The following HRH2 variants were observed in gnomAD, a reference collection of about 807,000 sequenced individuals.
The protein encoded by HRH2 is histamine H2 receptor.
A neutral mutation model predicts 20.1 loss-of-function variants in HRH2; 4 were observed. The ratio of observed to expected loss-of-function variants is 0.20; its 90% CI spans 0.10 to 0.45. The LOEUF is 0.45. Among genes scored for constraint, HRH2 ranks in the 20% least tolerant of loss-of-function variants. The pLI is 0.99. For synonymous variants in HRH2, 197 were observed against 200.7 expected (o/e 0.98, Z 0.16); for missense variants, 250 against 461.6 (o/e 0.54, Z 4.20).
intron 2 of HRH2, among the ~76,000 whole-genome samples, chr5:175,697,955 G>A (rs549733216): frequency 2.4e-4 from 36 of 152,274 alleles, no homozygotes; most frequent in African/African-American, 7.7e-4. Context: ...GCTCCATGGA[G>A]CCTCTTGTGA....
chr5:175,664,300 A>C (rs907870331), intron 1 of HRH2, among the ~76,000 whole-genome samples: 2 of 152,282 alleles, frequency 1.3e-5, no homozygotes, highest in African/African-American at 2.4e-5. Flanking sequence ...TCAGTCACTC[A>C]CCAAATGCTT....
chr5:175,707,301 G>A (rs973725978), intron 2 of HRH2, among the ~76,000 whole-genome samples: 3 of 152,120 alleles, frequency 2.0e-5, no homozygotes, highest in South Asian at 2.1e-4. Flanking sequence ...ATAGTGGCAC[G>A]CACCTATAGT....
chr5:175,694,282 T>G (rs1057195581), intron 2 of HRH2, among the ~76,000 whole-genome samples: 4 of 152,156 alleles, frequency 2.6e-5, no homozygotes, highest in African/African-American at 9.7e-5. Context: ...GTAAACATGG[T>G]GGCTTTGGAA....
At position 175,686,788 on chromosome 5, in the gene HRH2, C is replaced by G. The variant is rs942594390; in HGVS notation, c.1076+2479C>G. ...GAAGCAGGGACTTGCTTAATCTCCA[C>G]TTTATAGGTGGGAAAACTGAGGCAC... On this transcript the variant is annotated intron_variant, in intron 2 of 2. Transcript: ENST00000636584. This position sits in a 1 kb window ranked among gnomAD's most constrained non-coding sequence, Gnocchi z 4.7. 4.6e-5 allele frequency among the ~76,000 whole-genome samples: 7 copies of G among 152,242 alleles called. No individual in the cohort carries two copies. The highest frequency in any genetic ancestry group is 2.0e-4 in the Admixed American group (3 of 15,290).
At chr5:175,663,031 A>G (rs1762784389) in intron 1 of HRH2, among the ~76,000 whole-genome samples, 1 of 152,208 alleles carries the variant, frequency 6.6e-6, no homozygotes, top group Non-Finnish European at 1.5e-5. Flanking sequence ...ATAATATTCC[A>G]TTATATGGAT....
chr5:175,698,100 A>C (rs555269772), intron 2 of HRH2, among the ~76,000 whole-genome samples: 1 of 152,360 alleles, frequency 6.6e-6, no homozygotes, highest in Admixed American at 6.5e-5. Flanking sequence ...CCCTGTGTGT[A>C]GTTTACACCT....
At chr5:175,658,441 G>A (rs1041266971) in intron 1 of HRH2, among the ~76,000 whole-genome samples, 3 of 152,200 alleles carry the variant, frequency 2.0e-5, no homozygotes, top group Non-Finnish European at 4.4e-5. Flanking sequence ...TGCAGCCCCG[G>A]TGCACAGCAG....
intron 2 of HRH2, among the ~76,000 whole-genome samples, chr5:175,692,947 C>T (rs1463127984): frequency 1.3e-5 from 2 of 152,174 alleles, no homozygotes; most frequent in African/African-American, 2.4e-5. Flanking sequence ...ACTTGAGTTG[C>T]CAGTCCAGGA....
rs576367917 is a variant in HRH2, at chr5:175,684,354, G to T, written c.1076+45G>T. On this transcript the variant is annotated intron_variant, in intron 2 of 2. Coordinates refer to ENST00000636584, the MANE Select transcript of HRH2 (RefSeq NM_001367711.1). ...GTGCACAGGATGGGGGCAATGGGAG[G>T]GGATGCTACTGATGGGAATGATTAA... The T allele has an allele frequency of 7.0e-5, 112 of 1,589,362 alleles. No homozygotes were observed. The South Asian group carries it at 1.2e-3, about 17-fold the overall frequency.
At chr5:175,676,109 G>A (rs902599029) in intron 1 of HRH2, among the ~76,000 whole-genome samples, 6 of 152,204 alleles carry the variant, frequency 3.9e-5, no homozygotes, top group South Asian at 2.1e-4. Flanking sequence ...GCTTCACCAC[G>A]TTCTGTCACG....
At position 175,658,101 on chromosome 5, in the gene HRH2, G is replaced by C. The variant is rs970117343; in HGVS notation, c.-580G>C. On this transcript the variant is annotated 5_prime_UTR_variant, in exon 1 of 3. Coordinates refer to ENST00000636584, the MANE Select transcript of HRH2 (RefSeq NM_001367711.1). ...CCTGCCCGGAGCGCAGCCGGCGCGGGCGCGGGACCGAGGCGAACCGGGTGC... is the reference window on the plus strand; with the variant it reads ...CCTGCCCGGAGCGCAGCCGGCGCGGCCGCGGGACCGAGGCGAACCGGGTGC... 6.6e-6 allele frequency: 1 copy of C among 151,824 alleles called. No individual in the cohort carries two copies. The highest frequency in any genetic ancestry group is 1.5e-5 in the Non-Finnish European group (1 of 67,954). 9.4% of individuals were successfully genotyped at this position (151,824 alleles called of 1,614,324 possible).
chr5:175,670,850 T>G (rs1371904795), intron 1 of HRH2, among the ~76,000 whole-genome samples: 1 of 152,268 alleles, frequency 6.6e-6, no homozygotes, highest in Non-Finnish European at 1.5e-5. Context: ...GTTCTTGATT[T>G]GCTTTGCCAG....
At chr5:175,696,438 C>T (rs1756579924) in intron 2 of HRH2, among the ~76,000 whole-genome samples, 1 of 152,216 alleles carries the variant, frequency 6.6e-6, no homozygotes, top group African/African-American at 2.4e-5. Flanking sequence ...CAAGGCTCCA[C>T]AACTCACTGT....
intron 2 of HRH2, among the ~76,000 whole-genome samples, chr5:175,684,660 C>T (rs887257071): frequency 2.0e-5 from 3 of 152,186 alleles, no homozygotes; most frequent in Admixed American, 6.5e-5. Flanking sequence ...ACTGAGGAGT[C>T]GTAAGTGTTC....
intron 2 of HRH2, among the ~76,000 whole-genome samples, chr5:175,698,348 T>C (rs1756674090): frequency 6.6e-6 from 1 of 152,190 alleles, no homozygotes; most frequent in Non-Finnish European, 1.5e-5. Flanking sequence ...TGGGAGAGAA[T>C]CATGCTTTGA....
At chr5:175,664,340 G>A (rs1425903050) in intron 1 of HRH2, among the ~76,000 whole-genome samples, 25 of 152,164 alleles carry the variant, frequency 1.6e-4, no homozygotes, top group Admixed American at 1.6e-3. Context: ...TCAGTCCTGG[G>A]CAGTGCACTG....
rs776949388 is a variant in HRH2 at position 175,671,286 on chromosome 5, G to A, written c.-525-11423G>A. ...GCAGAGGTTGCATAAGATAATCAAC[G>A]GGTATAAATGTTCCTGGCAAGTGTT... On this transcript the variant is annotated intron_variant, in intron 1 of 2. Transcript: ENST00000636584. Among the ~76,000 whole-genome samples, 11 of 152,232 alleles carry A rather than the reference G, an allele frequency of 7.2e-5. No homozygotes were observed. The East Asian group carries it at 9.6e-4, about 13-fold the overall frequency.
intron 1 of HRH2, among the ~76,000 whole-genome samples, chr5:175,670,127 G>T (rs550466478): frequency 6.6e-6 from 1 of 152,170 alleles, no homozygotes; most frequent in Non-Finnish European, 1.5e-5. Flanking sequence ...GGGGACAGGT[G>T]GGAACGAGGG....
intron 2 of HRH2, among the ~76,000 whole-genome samples, chr5:175,702,474 G>GA (rs1028110340): frequency 2.1e-5 from 3 of 144,124 alleles, no homozygotes; most frequent in South Asian, 2.2e-4. Context: ...GCATAGGAAG[G>GA]AAAAAAAAGA....
Sources: allele counts gnomAD v4.1 joint callset (sites outside exome capture counted in the v4.1 genomes callset), GRCh38; gene constraint gnomAD v4.1.1; non-coding constraint Gnocchi (gnomAD v3.1); transcripts MANE v1.5; gene names NCBI Gene and HGNC (gene_info 2026-07-23, HGNC 2026-07-21).